Variants in AGBL1 observed in about 807,000 individuals in gnomAD.
The protein encoded by AGBL1 is cytosolic carboxypeptidase 4.
In AGBL1, 130 loss-of-function variants were observed where a neutral mutation model predicts 118.9. That is an observed-to-expected ratio of 1.09 (90% CI 0.95 to 1.26). The LOEUF (loss-of-function observed/expected upper bound fraction) is 1.26. Ranked by LOEUF, AGBL1 falls within the 50% of genes most tolerant of loss-of-function variation. The pLI, the probability that AGBL1 is intolerant of heterozygous loss-of-function variation, is 0.00. For missense variants in AGBL1, 1,584 were observed against 1,298.1 expected, an observed-to-expected ratio of 1.22 and a Z score of -3.38; for synonymous variants, 555 against 478.9, an observed-to-expected ratio of 1.16 and a Z score of -2.08.
At chr15:86,769,423 C>T (rs564327518) in intron 22 of AGBL1, among the ~76,000 whole-genome samples, 4 of 151,852 alleles carry the variant, frequency 2.6e-5, no homozygotes, top group African/African-American at 4.8e-5. Context: ...CTCAGAGGAC[C>T]GAGACCCTGT....
chr15:86,815,213 C>G (rs1487054325), intron 22 of AGBL1, among the ~76,000 whole-genome samples: 8 of 152,062 alleles, frequency 5.3e-5, no homozygotes, highest in African/African-American at 1.9e-4. Context: ...GCAGAGGTTC[C>G]AAAAATTTTT....
At chr15:86,916,520 G>C (rs2080426093), downstream of AGBL1, among the ~76,000 whole-genome samples, 1 of 152,130 alleles carries the variant, frequency 6.6e-6, no homozygotes, top group African/African-American at 2.4e-5. Context: ...TTCACCTATT[G>C]TGTAATTTAG....
intron 18 of AGBL1, among the ~76,000 whole-genome samples, chr15:86,416,398 T>C (rs1596086965): frequency 6.6e-6 from 1 of 152,098 alleles, no homozygotes; most frequent in Non-Finnish European, 1.5e-5. Context: ...GGCAAAAAAT[T>C]TGAGTGTTTA....
At chr15:86,477,047 C>G (rs1312109118) in intron 18 of AGBL1, among the ~76,000 whole-genome samples, 1 of 152,084 alleles carries the variant, frequency 6.6e-6, no homozygotes, top group Admixed American at 6.6e-5. Flanking sequence ...AACAAACACA[C>G]AACATACCAG....
intron 22 of AGBL1, among the ~76,000 whole-genome samples, chr15:86,758,427 A>G (rs772990280): frequency 7.2e-5 from 11 of 152,228 alleles, no homozygotes; most frequent in Non-Finnish European, 5.9e-5. Context: ...CATGTATCAT[A>G]CCATGCAAAT....
intron 21 of AGBL1, among the ~76,000 whole-genome samples, chr15:86,658,555 G>T (rs1279914842): frequency 6.6e-6 from 1 of 152,074 alleles, no homozygotes; most frequent in Non-Finnish European, 1.5e-5. Context: ...ATGAAAATAT[G>T]AACCCCTTTT....
chr15:86,235,771 G>A (rs552860956), intron 6 of AGBL1, among the ~76,000 whole-genome samples: 14 of 152,294 alleles, frequency 9.2e-5, no homozygotes, highest in African/African-American at 3.4e-4. Flanking sequence ...GAGTGACTTT[G>A]CCCCAGAGGG....
intron 4 of AGBL1, among the ~76,000 whole-genome samples, chr15:86,155,630 C>T (rs971173735): frequency 3.9e-5 from 6 of 152,028 alleles, no homozygotes; most frequent in East Asian, 3.9e-4. Context: ...TTCTCCTTTC[C>T]GAGTTCCCTT....
chr15:86,575,045 T>A (rs2084067408), intron 21 of AGBL1, among the ~76,000 whole-genome samples: 1 of 151,618 alleles, frequency 6.6e-6, no homozygotes, highest in Non-Finnish European at 1.5e-5. Flanking sequence ...AAAAATTAGC[T>A]GGGCATGGTG....
rs529127251 is a variant in AGBL1 at position 86,515,989 on chromosome 15, A to G, written c.2556-6821A>G. Among the ~76,000 whole-genome samples, 97 of 152,322 alleles carry G rather than the reference A, an allele frequency of 6.4e-4. 1 individual carries two copies. Among genetic ancestry groups the G allele is most frequent in the Admixed American group, 2.0e-3 (30 of 15,300 alleles). ...CATTGATTGGGTTCAGAAAGGTGGG[A>G]CAACTCAAAGCGGGGGAGGGAGCTT... On this transcript the variant is annotated intron_variant, in intron 18 of 22. Coordinates refer to ENST00000614907, the MANE Select transcript of AGBL1 (RefSeq NM_001386094.1).
At chr15:86,795,133 C>G (rs1039240376) in intron 22 of AGBL1, among the ~76,000 whole-genome samples, 2 of 152,210 alleles carry the variant, frequency 1.3e-5, no homozygotes, top group Non-Finnish European at 2.9e-5. Context: ...CTGAGGGCTA[C>G]AAGGCCCAGC....
intron 24 of AGBL1, among the ~76,000 whole-genome samples, chr15:87,007,346 C>A (rs2081515396): frequency 6.6e-6 from 1 of 152,032 alleles, no homozygotes; most frequent in Non-Finnish European, 1.5e-5. Context: ...GCAAAATAAA[C>A]CCCACTAAGA....
At chr15:86,212,984 G>A (rs771235838) in intron 5 of AGBL1, among the ~76,000 whole-genome samples, 10 of 152,148 alleles carry the variant, frequency 6.6e-5, no homozygotes, top group Non-Finnish European at 1.2e-4. Context: ...TATCATCTGA[G>A]TTTTAATGAC....
At chr15:86,568,000 G>A (rs528692851) in intron 21 of AGBL1, among the ~76,000 whole-genome samples, 2 of 152,162 alleles carry the variant, frequency 1.3e-5, no homozygotes, top group Admixed American at 1.3e-4. Context: ...GATCTTCTTT[G>A]GGATAGAAAA....
intron 22 of AGBL1, among the ~76,000 whole-genome samples, chr15:86,832,096 G>A (rs1399455502): frequency 6.6e-6 from 1 of 152,182 alleles, no homozygotes. Context: ...CTGGGATGCA[G>A]AGCACTAAGT....
chr15:86,819,132 G>C (rs2078904225), intron 22 of AGBL1, among the ~76,000 whole-genome samples: 1 of 151,898 alleles, frequency 6.6e-6, no homozygotes, highest in African/African-American at 2.4e-5. Flanking sequence ...AGCAGAAAAA[G>C]AAAGTGATGG....
In AGBL1 at chr15:86,383,545, C is replaced by T. The variant is rs1472311661; in HGVS notation, c.2375-13821C>T. Among the ~76,000 whole-genome samples, 4 of 152,210 alleles carry T rather than the reference C, an allele frequency of 2.6e-5. No homozygotes were observed. The East Asian group carries it at 7.7e-4, about 29-fold the overall frequency. ...GAGGTTGCAGTGAGCTGGGATTGCA[C>T]CACGGTATGCCAGCCTGGGCAACGG... On this transcript the variant is annotated intron_variant, in intron 17 of 22. Coordinates refer to ENST00000614907, the MANE Select transcript of AGBL1 (RefSeq NM_001386094.1).
chr15:86,090,079 C>G (rs1046236282), intron 1 of AGBL1, among the ~76,000 whole-genome samples: 1 of 152,202 alleles, frequency 6.6e-6, no homozygotes, highest in Non-Finnish European at 1.5e-5. Context: ...TACATAACCT[C>G]ACAACAATCC....
chr15:86,717,141 G>A (rs2086650393), intron 22 of AGBL1, among the ~76,000 whole-genome samples: 1 of 152,214 alleles, frequency 6.6e-6, no homozygotes, highest in Non-Finnish European at 1.5e-5. Flanking sequence ...AGGCAAAGAT[G>A]AAAGAAGCCA....
Sources: allele counts gnomAD v4.1 joint callset (sites outside exome capture counted in the v4.1 genomes callset), GRCh38; gene constraint gnomAD v4.1.1; transcripts MANE v1.5; gene names NCBI Gene and HGNC (gene_info 2026-07-23, HGNC 2026-07-21).